Variants in ZFYVE26 observed in about 807,000 individuals in gnomAD.
ZFYVE26 encodes the protein zinc finger FYVE-type containing 26, also known as zinc finger FYVE domain-containing protein 26.
In ZFYVE26, 181 loss-of-function variants were observed where a neutral mutation model predicts 276.5. That is an observed-to-expected ratio of 0.65 (90% CI 0.58 to 0.74). ZFYVE26 has a LOEUF of 0.74. Ranked by LOEUF, ZFYVE26 falls within the 30% of genes least tolerant of loss-of-function variation. The pLI, the probability that ZFYVE26 is intolerant of heterozygous loss-of-function variation, is 0.00. For synonymous variants in ZFYVE26, 1,129 were observed against 1,203.1 expected, an observed-to-expected ratio of 0.94 and a Z score of 1.27; for missense variants, 2,821 against 3,097.9, an observed-to-expected ratio of 0.91 and a Z score of 2.12.
In ZFYVE26 at chr14:67,785,246, C is replaced by T. The variant is rs758075428; in HGVS notation, c.3336G>A (p.Val1112=). Residue 1112 remains valine (V), a synonymous_variant, in exon 19 of 42, where the codon GTG becomes GTA. Transcript: ENST00000347230. ...EPRTPPLSSL[V]EQAAQKAPEA... ...CTGGAGCTTTCTGGGCTGCCTGCTC[C>T]ACCAGGGAAGACAGTGGAGGAGTCC... The T allele has an allele frequency of 2.4e-5, 38 of 1,611,950 alleles. No individual in the cohort carries two copies. The South Asian group carries it at 2.6e-4, about 11-fold the overall frequency.
chr14:67,775,163 T>C, intron 26 of ZFYVE26, 49 bp from the exon 27 acceptor site: 5 of 1,290,696 alleles, frequency 3.9e-6, no homozygotes, highest in South Asian at 1.3e-5. Flanking sequence ...CATAAGTATC[T>C]TGATTCACCA....
At chr14:67,809,811 G>A (rs2040263069) in intron 3 of ZFYVE26, among the ~76,000 whole-genome samples, 1 of 132,040 alleles carries the variant, frequency 7.6e-6, no homozygotes, top group East Asian at 2.1e-4. Flanking sequence ...TTGAGATAGA[G>A]TCTCGCTCTG....
chr14:67,801,438 G>A (rs1312403731), intron 10 of ZFYVE26, among the ~76,000 whole-genome samples: 2 of 152,012 alleles, frequency 1.3e-5, no homozygotes, highest in African/African-American at 4.8e-5. Context: ...AGATGATCAC[G>A]CCTACTTAGA....
At chr14:67,794,315 A>G (rs2039898402) in intron 12 of ZFYVE26, 76 bp from the exon 13 acceptor site, 5 of 1,388,546 alleles carry the variant, frequency 3.6e-6, no homozygotes, top group Non-Finnish European at 3.1e-6. Flanking sequence ...TTGGCTTGAC[A>G]GCCAAGATCT....
Position 67,740,690 on chromosome 14 carries a change from C to T in ZFYVE26, n.2679+10362G>A, listed in dbSNP as rs185322064. Among the ~76,000 whole-genome samples the T allele has an allele frequency of 1.0e-3, 152 of 152,174 alleles. 1 individual carries two copies. Among genetic ancestry groups the T allele is most frequent in the African/African-American group, 3.6e-3 (149 of 41,538 alleles). ...TTGGGAGGCCAAGGCGGGTGGATCA[C>T]GAGATCAGGAGTTCGAGACCAGCCT... is the stretch of plus-strand genomic sequence containing the variant. On this transcript the variant is annotated intron_variant and non_coding_transcript_variant, in intron 13 of 14. Transcript: ENST00000394455.
intron 32 of ZFYVE26, 39 bp from the exon 33 acceptor site, chr14:67,762,858 G>A (rs2038969495): frequency 6.2e-7 from 1 of 1,611,556 alleles, no homozygotes; most frequent in African/African-American, 1.3e-5. Context: ...AGGCTCCCTA[G>A]TGTCTTACTA....
At chr14:67,808,904 A>G (rs1483118996) in intron 4 of ZFYVE26, among the ~76,000 whole-genome samples, 4 of 152,220 alleles carry the variant, frequency 2.6e-5, no homozygotes. Context: ...TGACCCTGTT[A>G]TAGAAAAGAT....
chr14:67,809,782 C>CTTTTTTTTT (rs58842467), intron 3 of ZFYVE26, among the ~76,000 whole-genome samples: 6 of 120,116 alleles, frequency 5.0e-5, no homozygotes, highest in Non-Finnish European at 1.0e-4. Flanking sequence ...ATTCTTTTCT[C>CTTTTTTTTT]TTTTTTTTTT....
intron 14 of ZFYVE26, among the ~76,000 whole-genome samples, chr14:67,792,599 T>A (rs1420323067): frequency 2.0e-5 from 3 of 152,198 alleles, no homozygotes; most frequent in Admixed American, 6.5e-5. Flanking sequence ...ATACTTCTTG[T>A]ATATTGAACT....
chr14:67,784,909 C>T (rs2039607702), intron 19 of ZFYVE26, 150 bp downstream of exon 19: 2 of 837,080 alleles, frequency 2.4e-6, no homozygotes, highest in Non-Finnish European at 4.0e-6. Context: ...AGTAAAATAG[C>T]CAGAGATGAA....
rs150438805 is a variant in ZFYVE26 at position 67,762,934 on chromosome 14, G to A, written c.6012-115C>T. 345 of 1,436,176 alleles carry A rather than the reference G, an allele frequency of 2.4e-4. 2 individuals carry two copies. In the African/African-American group the frequency reaches 3.6e-3, roughly 15 times the overall value. 89.0% of individuals were successfully genotyped at this position (1,436,176 alleles called of 1,614,324 possible). On this transcript the variant is annotated intron_variant, in intron 32 of 41. Transcript: ENST00000347230. ...TCTGTTTGTTTTGAAACAGAGTCTC[G>A]TTCTGTCACCCAGGCTGGAGTGCAG...
chr14:67,744,107 G>C (rs1443023783), downstream of ZFYVE26, among the ~76,000 whole-genome samples: 6 of 152,330 alleles, frequency 3.9e-5, no homozygotes, highest in African/African-American at 1.4e-4. Context: ...ATGAAGGCCA[G>C]GAAAAGGCCA....
chr14:67,773,735 T>C (rs2039272243), intron 27 of ZFYVE26, among the ~76,000 whole-genome samples: 1 of 152,182 alleles, frequency 6.6e-6, no homozygotes, highest in Non-Finnish European at 1.5e-5. Flanking sequence ...CAGTCTGCTT[T>C]ATGATATGTA....
In ZFYVE26 at chr14:67,815,928, C is replaced by G. The variant is rs781768644; in HGVS notation, c.36G>C (p.Ser12=). ...AGAAAAATCCAAAAAGCTGCTTCTGCGAAGCAGCTTCCTCTTTTCCAAATG... is the reference window on the plus strand; with the variant it reads ...AGAAAAATCCAAAAAGCTGCTTCTGGGAAGCAGCTTCCTCTTTTCCAAATG... ...NHPFGKEEAA[S]QKQLFGFFCE... Residue 12 remains serine (S), a synonymous_variant, in exon 2 of 42, where the codon TCG becomes TCC. Transcript: ENST00000347230. 2 of 1,613,186 alleles carry G rather than the reference C, an allele frequency of 1.2e-6. No homozygotes were observed. Among genetic ancestry groups the G allele is most frequent in the Non-Finnish European group, 1.7e-6 (2 of 1,179,746 alleles).
At chr14:67,737,564 G>A (rs1422478402) in intron 13 of ZFYVE26, among the ~76,000 whole-genome samples, 1 of 152,116 alleles carries the variant, frequency 6.6e-6, no homozygotes, top group Non-Finnish European at 1.5e-5. Flanking sequence ...CTCAACACAT[G>A]GGGATTACAA....
In ZFYVE26 at chr14:67,753,152, G is replaced by T. The variant is rs1157731593; in HGVS notation, c.7188+555C>A. Among the ~76,000 whole-genome samples, 4 of 152,334 alleles carry T rather than the reference G, an allele frequency of 2.6e-5. No homozygotes were observed. The East Asian group carries it at 7.7e-4, about 29-fold the overall frequency. On this transcript the variant is annotated intron_variant, in intron 39 of 41. Transcript: ENST00000347230. The stretch of plus-strand genomic sequence containing the variant: ...CTCACAATGCATAAATACCCTGCCT[G>T]CCCTAAGCTGCCTGCTCTCAGCTCC...
intron 13 of ZFYVE26, chr14:67,735,475 C>G: frequency 1.7e-6 from 1 of 578,888 alleles, no homozygotes; most frequent in South Asian, 2.2e-5. Flanking sequence ...GGATTGGTGG[C>G]CGAGACACCG....
chr14:67,734,181 C>T, intron 13 of ZFYVE26: 1 of 311,046 alleles, frequency 3.2e-6, no homozygotes, highest in Non-Finnish European at 6.4e-6. Context: ...TCATCAGCAC[C>T]AGAGGCTCAG....
chr14:67,781,564 C>G, intron 21 of ZFYVE26, 35 bp from the exon 22 acceptor site: 22 of 1,606,608 alleles, frequency 1.4e-5, no homozygotes, highest in Non-Finnish European at 1.9e-5. Context: ...AGGCAGCAAG[C>G]GTGGGACCAG....
Sources: allele counts gnomAD v4.1 joint callset (sites outside exome capture counted in the v4.1 genomes callset), GRCh38; gene constraint gnomAD v4.1.1; transcripts MANE v1.5; gene names NCBI Gene and HGNC (gene_info 2026-07-23, HGNC 2026-07-21).